The following CHAT variants were observed in gnomAD, a reference collection of about 807,000 sequenced individuals.
CHAT encodes the protein choline O-acetyltransferase.
CHAT carries 61 observed loss-of-function variants against 76.9 expected under a neutral mutation model. The observed-to-expected ratio is 0.79, with a 90% CI of 0.65 to 0.98. The LOEUF (loss-of-function observed/expected upper bound fraction) is 0.98, where lower values mean the gene tolerates loss of function less well. Among genes scored for constraint, CHAT ranks in the 50% least tolerant of loss-of-function variants. The pLI is 0.00. For synonymous variants in CHAT, 407 were observed against 397.4 expected (o/e 1.02, Z -0.29); for missense variants, 946 against 986.9 (o/e 0.96, Z 0.56).
chr10:49,619,500 C>A (rs1412232506), intron 2 of CHAT, among the ~76,000 whole-genome samples: 11 of 152,180 alleles, frequency 7.2e-5, no homozygotes, highest in Non-Finnish European at 1.6e-4. Context: ...ACCGTATTTT[C>A]CTCTGCACTT....
At chr10:49,617,305 G>A (rs1838533883) in intron 2 of CHAT, among the ~76,000 whole-genome samples, 1 of 152,018 alleles carries the variant, frequency 6.6e-6, no homozygotes, top group East Asian at 1.9e-4. Flanking sequence ...TGTCACCTCT[G>A]GTCCACTGGC....
At chr10:49,634,207 G>A (rs1839220645) in intron 7 of CHAT, among the ~76,000 whole-genome samples, 1 of 152,212 alleles carries the variant, frequency 6.6e-6, no homozygotes, top group Admixed American at 6.5e-5. Context: ...CAGGGCAAGA[G>A]GCCTGCCCTT....
upstream of CHAT, among the ~76,000 whole-genome samples, chr10:49,609,980 G>A (rs1278517442): frequency 6.6e-6 from 1 of 152,024 alleles, no homozygotes; most frequent in African/African-American, 2.4e-5. Flanking sequence ...TCCCCAAGAG[G>A]AGAAGAGCGG....
At position 49,619,964 on chromosome 10, in the gene CHAT, C is replaced by T. The variant is rs1006864180; in HGVS notation, c.579+48C>T. On this transcript the variant is annotated intron_variant, in intron 3 of 14. Coordinates refer to ENST00000337653, the MANE Select transcript of CHAT (RefSeq NM_020549.5). The stretch of plus-strand genomic sequence containing the variant: ...CCATAGAAGAGGGGCGGGAGGCAGA[C>T]CTGGAGACAGAGGGATCTCGGTGAG... The T allele has an allele frequency of 1.1e-5, 17 of 1,566,110 alleles. No individual in the cohort carries two copies. The African/African-American group carries it at 1.4e-4, about 12-fold the overall frequency.
intron 7 of CHAT, among the ~76,000 whole-genome samples, chr10:49,629,173 G>T (rs189079064): frequency 6.6e-6 from 1 of 152,228 alleles, no homozygotes; most frequent in African/African-American, 2.4e-5. Flanking sequence ...CTGCCTATAA[G>T]GTCAGAAGGA....
chr10:49,617,959 T>C (rs995590373), intron 2 of CHAT, among the ~76,000 whole-genome samples: 7 of 152,124 alleles, frequency 4.6e-5, no homozygotes, highest in African/African-American at 1.7e-4. Flanking sequence ...CATTCATCCA[T>C]CAGCAGCAGG....
intron 11 of CHAT, among the ~76,000 whole-genome samples, chr10:49,654,489 T>G (rs1416060805): frequency 1.3e-5 from 2 of 152,258 alleles, no homozygotes; most frequent in African/African-American, 4.8e-5. Context: ...GCTGGCCCAG[T>G]TACCATGCAT....
intron 8 of CHAT, among the ~76,000 whole-genome samples, chr10:49,647,717 T>C (rs966568483): frequency 6.6e-6 from 1 of 152,098 alleles, no homozygotes; most frequent in Non-Finnish European, 1.5e-5. Flanking sequence ...TCAGCCTTGG[T>C]AGCAGTTTTC....
intron 6 of CHAT, among the ~76,000 whole-genome samples, chr10:49,627,202 C>T (rs776416536): frequency 7.2e-5 from 11 of 152,230 alleles, no homozygotes; most frequent in South Asian, 2.1e-4. Context: ...TCGTGTCTTC[C>T]GGTACACACG....
chr10:49,616,100 C>G, intron 1 of CHAT: 1 of 1,611,834 alleles, frequency 6.2e-7, no homozygotes, highest in Non-Finnish European at 8.5e-7. Flanking sequence ...TAGGTATGGT[C>G]TTACCCTTGA....
chr10:49,626,463 G>A (rs1186252651), intron 6 of CHAT, among the ~76,000 whole-genome samples: 2 of 152,146 alleles, frequency 1.3e-5, no homozygotes, highest in African/African-American at 4.8e-5. Context: ...ATGTGATCCT[G>A]GGCTCTCCTC....
chr10:49,650,638 G>A (rs1020054046), intron 10 of CHAT, among the ~76,000 whole-genome samples: 1 of 152,186 alleles, frequency 6.6e-6, no homozygotes, highest in Non-Finnish European at 1.5e-5. Context: ...GAGTGTCACT[G>A]TCCTGTTATG....
intron 13 of CHAT, among the ~76,000 whole-genome samples, chr10:49,660,516 G>T (rs566187033): frequency 3.8e-4 from 58 of 151,922 alleles, no homozygotes; most frequent in Non-Finnish European, 7.9e-4. Flanking sequence ...AAATTCAGTA[G>T]TGGTAACCTA....
chr10:49,662,580 G>A, intron 13 of CHAT, 65 bp from the exon 14 acceptor site: 1 of 1,601,070 alleles, frequency 6.2e-7, no homozygotes, highest in Non-Finnish European at 8.5e-7. Flanking sequence ...AGACTACAGA[G>A]CAGGGAACAA....
At position 49,619,852 on chromosome 10, in the gene CHAT, C is replaced by T. The variant is rs1423668994; in HGVS notation, c.515C>T (p.Pro172Leu). ...GCCATTGTGCAGCAGTTTGGGGCCCCTGGTGGCCTCGGCGAGACCCTGCAG... is the reference window on the plus strand; with the variant it reads ...GCCATTGTGCAGCAGTTTGGGGCCCTTGGTGGCCTCGGCGAGACCCTGCAG... ...SQAIVQQFGA[P>L]GGLGETLQQK... Residue 172 changes from proline to leucine, a missense_variant, in exon 3 of 15, where the codon CCT becomes CTT. Physicochemically the swap from Pro to Leu is moderately conservative, Grantham distance 98. Transcript: ENST00000337653. The T allele has an allele frequency of 6.2e-7, 1 of 1,613,602 alleles. No individual in the cohort carries two copies. The highest frequency in any genetic ancestry group is 2.2e-5 in the East Asian group (1 of 44,866).
intron 7 of CHAT, among the ~76,000 whole-genome samples, chr10:49,645,549 G>A (rs1344418552): frequency 6.6e-6 from 1 of 152,226 alleles, no homozygotes; most frequent in Non-Finnish European, 1.5e-5. Flanking sequence ...CGCAGCGGGA[G>A]CAGGCCTGGC....
At position 49,627,742 on chromosome 10, in the gene CHAT, C is replaced by A; in HGVS notation, c.1068C>A (p.Asp356Glu). 6.2e-7 allele frequency: 1 copy of A among 1,614,032 alleles called. No homozygotes were observed. Among genetic ancestry groups the A allele is most frequent in the East Asian group, 2.2e-5 (1 of 44,880 alleles). ...CTCCAATTGGCCTGCTGACGTCTGA[C>A]GGGAGGAGCGAGTGGGCCGAGGCCA... ...RLPPIGLLTS[D>E]GRSEWAEART... is the part of the protein sequence containing the mutation. Residue 356 changes from aspartate to glutamate, a missense_variant, in exon 7 of 15, where the codon GAC (aspartate) becomes GAA (glutamate). This residue lies in a region of CHAT where 548 missense variants were observed against 516.2 expected (regional missense o/e 1.06). Coordinates refer to ENST00000337653, the MANE Select transcript of CHAT (RefSeq NM_020549.5).
chr10:49,616,565 G>A lies in CHAT; in HGVS notation c.350G>A (p.Arg117His), dbSNP rs376641216. 19 of 1,612,926 alleles carry A rather than the reference G, an allele frequency of 1.2e-5. No homozygotes were observed. Among genetic ancestry groups the A allele is most frequent in the Middle Eastern group, 1.6e-4 (1 of 6,062 alleles). Residue 117 changes from arginine (R) to histidine (H), a missense_variant, in exon 2 of 15, where the codon CGT (arginine) becomes CAT (histidine). Around this residue, in one of 3 missense-constraint regions of CHAT, gnomAD observed 548 missense variants for 516.2 expected, o/e 1.06. Transcript: ENST00000337653. ...ACGCCCATCCTGGAAAAGGTCCCCC[G>A]TAAGATGGCAGCAAAAACTCCCAGC... ...TKTPILEKVP[R>H]KMAAKTPSSE...
At chr10:49,631,517 G>T (rs1286970208) in intron 7 of CHAT, among the ~76,000 whole-genome samples, 1 of 152,184 alleles carries the variant, frequency 6.6e-6, no homozygotes, top group Non-Finnish European at 1.5e-5. Flanking sequence ...CAGGAATTTT[G>T]GAACGACACA....
Sources: allele counts gnomAD v4.1 joint callset (sites outside exome capture counted in the v4.1 genomes callset), GRCh38; gene constraint gnomAD v4.1.1; regional missense constraint gnomAD v4.1.1; transcripts MANE v1.5; gene names NCBI Gene and HGNC (gene_info 2026-07-23, HGNC 2026-07-21).